Variants in ATP8A2 observed in about 807,000 individuals in gnomAD.
ATP8A2 encodes the protein phospholipid-transporting ATPase IB.
In ATP8A2, 100 loss-of-function variants were observed where a neutral mutation model predicts 165.6. The ratio of observed to expected loss-of-function variants is 0.60; its 90% CI spans 0.51 to 0.71. The LOEUF is 0.71. ATP8A2 is among the 30% of genes least tolerant of loss of function. ATP8A2 has a pLI of 0.00. For missense variants in ATP8A2, 1,227 were observed against 1,479.5 expected, an observed-to-expected ratio of 0.83 and a Z score of 2.80; for synonymous variants, 543 against 548.8, an observed-to-expected ratio of 0.99 and a Z score of 0.15.
At chr13:25,871,110 G>GTTT in intron 33 of ATP8A2, 9 of 199,606 alleles carry the variant, frequency 4.5e-5, no homozygotes, top group South Asian at 7.8e-5. Context: ...TGATTGAGTG[G>GTTT]TTTTTTTTTT....
intron 25 of ATP8A2, among the ~76,000 whole-genome samples, chr13:25,739,275 A>C (rs927476823): frequency 6.6e-6 from 1 of 152,230 alleles, no homozygotes; most frequent in Non-Finnish European, 1.5e-5. Flanking sequence ...CTGTCTGCTC[A>C]TCAGGGGCTT....
intron 35 of ATP8A2, among the ~76,000 whole-genome samples, chr13:25,969,553 A>G (rs985070451): frequency 6.6e-6 from 1 of 152,210 alleles, no homozygotes; most frequent in Non-Finnish European, 1.5e-5. Context: ...TTTGCTTTAT[A>G]TTGTGTTTAT....
At chr13:25,661,709 C>T (rs895499185) in intron 24 of ATP8A2, among the ~76,000 whole-genome samples, 1 of 152,130 alleles carries the variant, frequency 6.6e-6, no homozygotes, top group South Asian at 2.1e-4. Context: ...ATAGTGTGAC[C>T]TACCCAGAGT....
rs370544049 is a variant in ATP8A2, at chr13:25,776,126, G to A, written c.2679+1167G>A. On this transcript the variant is annotated intron_variant, in intron 27 of 36. Coordinates refer to ENST00000381655, the MANE Select transcript of ATP8A2 (RefSeq NM_016529.6). ...ACTTCATTCATCTCTTCAGCTGCCC[G>A]GAGCCCAACTGGAAACAGCAATGCA... Among the ~76,000 whole-genome samples the A allele has an allele frequency of 7.9e-5, 12 of 152,302 alleles. No individual in the cohort carries two copies. In the East Asian group the frequency reaches 1.4e-3, roughly 17 times the overall value.
In ATP8A2 at chr13:25,415,300, C is replaced by T. The variant is rs570328879; in HGVS notation, c.76+43012C>T. On this transcript the variant is annotated intron_variant, in intron 1 of 36. Transcript: ENST00000381655. ...AATGCTTGACTGCCCTTTCTCTCAC[C>T]TAGTCCTTCAGCAAATCCTGCTGCC... Among the ~76,000 whole-genome samples the T allele has an allele frequency of 2.0e-5, 3 of 152,268 alleles. No homozygotes were observed. The East Asian group carries it at 5.8e-4, about 29-fold the overall frequency.
intron 30 of ATP8A2, among the ~76,000 whole-genome samples, chr13:25,859,502 T>C (rs776214564): frequency 6.6e-6 from 1 of 151,682 alleles, no homozygotes; most frequent in Non-Finnish European, 1.5e-5. Context: ...GCGGAGATGA[T>C]GAAACAACTC....
At chr13:25,566,634 G>A (rs2039322719) in intron 16 of ATP8A2, among the ~76,000 whole-genome samples, 1 of 152,224 alleles carries the variant, frequency 6.6e-6, no homozygotes, top group Non-Finnish European at 1.5e-5. Context: ...AAGGAAATAA[G>A]ATGAGCAGCG....
chr13:25,622,311 T>G (rs181173623), intron 24 of ATP8A2, among the ~76,000 whole-genome samples: 385 of 151,860 alleles, frequency 2.5e-3, no homozygotes, highest in African/African-American at 9.2e-3. Context: ...TAGTTTCTTA[T>G]GGAGAGGGGA....
In ATP8A2 at chr13:25,663,996, C is replaced by T. The variant is rs147661603; in HGVS notation, c.2212-35177C>T. 5.1e-3 allele frequency among the ~76,000 whole-genome samples: 769 copies of T among 151,896 alleles called. 4 individuals carry two copies. The highest frequency in any genetic ancestry group is 0.017 in the African/African-American group (706 of 41,432). ...GGCCGAGGTGGGTGGATTGCTTGAA[C>T]TCAGGAGTTTGAGACCAGCCTGGGC... On this transcript the variant is annotated intron_variant, in intron 24 of 36. Coordinates refer to ENST00000381655, the MANE Select transcript of ATP8A2 (RefSeq NM_016529.6).
intron 15 of ATP8A2, among the ~76,000 whole-genome samples, chr13:25,560,877 T>A (rs1035577611): frequency 2.7e-5 from 4 of 150,244 alleles, no homozygotes; most frequent in Non-Finnish European, 5.9e-5. Flanking sequence ...TCGGGCAGGT[T>A]TTTACATTTT....
chr13:25,570,591 T>C (rs1014692913), intron 16 of ATP8A2, among the ~76,000 whole-genome samples, 176 bp from the exon 17 acceptor site: 1 of 152,116 alleles, frequency 6.6e-6, no homozygotes, highest in African/African-American at 2.4e-5. Flanking sequence ...GAGAACCGGC[T>C]TGGGGACTCC....
intron 35 of ATP8A2, among the ~76,000 whole-genome samples, chr13:26,002,448 G>C (rs1956646634): frequency 6.6e-6 from 1 of 151,450 alleles, no homozygotes; most frequent in Non-Finnish European, 1.5e-5. Flanking sequence ...ATAGCATCAG[G>C]AAAAATACCT....
At chr13:25,611,445 A>G (rs2040684513) in intron 24 of ATP8A2, among the ~76,000 whole-genome samples, 1 of 152,150 alleles carries the variant, frequency 6.6e-6, no homozygotes, top group South Asian at 2.1e-4. Context: ...GGTGTATCAC[A>G]TTTATTAACT....
intron 2 of ATP8A2, among the ~76,000 whole-genome samples, chr13:25,504,442 T>TA (rs752284123): frequency 6.9e-5 from 9 of 129,950 alleles, no homozygotes; most frequent in African/African-American, 1.8e-4. Flanking sequence ...TTTTTTTTTT[T>TA]AAAAAGTATA....
intron 2 of ATP8A2, among the ~76,000 whole-genome samples, chr13:25,514,817 A>T (rs555239110): frequency 3.3e-5 from 5 of 152,000 alleles, no homozygotes; most frequent in Non-Finnish European, 7.4e-5. Context: ...GCAGGCTGAA[A>T]CTGTTCCCCT....
chr13:25,380,369 A>T (rs1349403887), intron 1 of ATP8A2, among the ~76,000 whole-genome samples: 1 of 152,194 alleles, frequency 6.6e-6, no homozygotes, highest in Non-Finnish European at 1.5e-5. Context: ...AGGTGACTTT[A>T]CAGATCTTTG....
intron 24 of ATP8A2, among the ~76,000 whole-genome samples, chr13:25,692,273 G>C (rs951640784): frequency 6.6e-6 from 1 of 152,194 alleles, no homozygotes; most frequent in African/African-American, 2.4e-5. Flanking sequence ...AGCATGGTGT[G>C]GTTGAAGTGC....
At chr13:25,543,174 G>T in intron 9 of ATP8A2, 117 bp from the exon 10 acceptor site, 1 of 602,790 alleles carries the variant, frequency 1.7e-6, no homozygotes. Context: ...TCTCAGTGAA[G>T]TAGTTCAAAT....
chr13:25,655,000 A>G (rs1485942073), intron 24 of ATP8A2, among the ~76,000 whole-genome samples: 1 of 152,166 alleles, frequency 6.6e-6, no homozygotes, highest in African/African-American at 2.4e-5. Context: ...GTGGAAAAAG[A>G]CTGGGTTAAT....
Sources: gnomAD v4.1 joint callset for allele counts (sites outside exome capture counted in the v4.1 genomes callset) on GRCh38, gnomAD v4.1.1 for gene constraint, MANE v1.5 for transcripts, NCBI Gene and HGNC (gene_info 2026-07-23, HGNC 2026-07-21) for gene names.